The following POTEE variants were observed in gnomAD, a reference collection of about 807,000 sequenced individuals.
POTEE encodes the protein ANKRD26-like family C member 1A.
A neutral mutation model predicts 74.2 loss-of-function variants in POTEE; 21 were observed. The observed-to-expected ratio is 0.28, with a 90% confidence interval of 0.20 to 0.41. The LOEUF is 0.41. Ranked by LOEUF, POTEE falls within the 10% of genes least tolerant of loss-of-function variation. The pLI, the probability that POTEE is intolerant of heterozygous loss-of-function variation, is 1.00. For synonymous variants in POTEE, 211 were observed against 432.8 expected (o/e 0.49, Z 6.36); for missense variants, 525 against 1,158.6 (o/e 0.45, Z 7.94).
intron 4 of POTEE, among the ~76,000 whole-genome samples, chr2:131,222,282 A>G (rs537152670): frequency 6.6e-6 from 1 of 152,374 alleles, no homozygotes; most frequent in South Asian, 2.1e-4. Context: ...GTTGAAAGCC[A>G]TTATCCTTAG....
rs1701465818 is a variant in POTEE, at chr2:131,252,365, ATTATTAT to A, written c.1552-155_1552-149del. Among the ~76,000 whole-genome samples the A allele has an allele frequency of 1.8e-4, 2 of 11,268 alleles. 1 individual carries two copies. The highest frequency in any genetic ancestry group is 5.0e-4 in the African/African-American group (2 of 4,000). 7.4% of individuals were successfully genotyped at this position (11,268 alleles called of 152,430 possible). A position where few individuals can be genotyped will look rare whatever the true frequency, so the allele number is the denominator to read the frequency against. Reference sequence around the variant, plus strand: ...ATTAAAAAGTTAATTCTTAATTTTAATTATTATTTATTTTAACAGTTTAATTTTAATT... The same window carrying A: ...ATTAAAAAGTTAATTCTTAATTTTAATTATTTTAACAGTTTAATTTTAATT... On this transcript the variant is annotated intron_variant, in intron 14 of 17. Transcript: ENST00000683005.
At chr2:131,218,015 GCTTGGATTGACGTTTCCT>G in intron 3 of POTEE, 3 of 285,524 alleles carry the variant, frequency 1.1e-5, no homozygotes, top group African/African-American at 8.8e-5. Context: ...GGCGTTGGTA[GCTTGGATTGACGTTTCCT>G]GCTTGGATTG....
intron 2 of POTEE, among the ~76,000 whole-genome samples, chr2:131,216,072 T>C (rs1246959020): frequency 1.3e-5 from 2 of 152,032 alleles, no homozygotes; most frequent in Non-Finnish European, 2.9e-5. Context: ...ATAAGGTAAT[T>C]CCATTTATAA....
At chr2:131,210,598 G>C (rs1431554498) in intron 1 of POTEE, among the ~76,000 whole-genome samples, 1 of 151,956 alleles carries the variant, frequency 6.6e-6, no homozygotes, top group Non-Finnish European at 1.5e-5. Flanking sequence ...CACCCACTGC[G>C]GTTCTCCGGC....
At chr2:131,221,384 G>A (rs1332455355) in intron 4 of POTEE, among the ~76,000 whole-genome samples, 1 of 152,198 alleles carries the variant, frequency 6.6e-6, no homozygotes, top group Non-Finnish European at 1.5e-5. Flanking sequence ...TACACGAACA[G>A]AATCTGCTCG....
chr2:131,211,248 C>T (rs1700349271), intron 2 of POTEE, among the ~76,000 whole-genome samples, 65 bp downstream of exon 2: 1 of 151,754 alleles, frequency 6.6e-6, no homozygotes, highest in African/African-American at 2.4e-5. Flanking sequence ...GCATTGACGG[C>T]GACAGCAACT....
At chr2:131,222,944 A>G (rs1406629117) in intron 4 of POTEE, among the ~76,000 whole-genome samples, 6 of 151,948 alleles carry the variant, frequency 3.9e-5, no homozygotes, top group Non-Finnish European at 8.8e-5. Context: ...GTGATGCCCC[A>G]TTATTTTATG....
chr2:131,209,852 G>A (rs1310846683), intron 1 of POTEE, among the ~76,000 whole-genome samples, 33 bp downstream of exon 1: 2 of 151,798 alleles, frequency 1.3e-5, no homozygotes, highest in Non-Finnish European at 2.9e-5. Flanking sequence ...GCCCGCCTGT[G>A]GGGGCAGGGG....
chr2:131,236,315 C>T (rs916824901), intron 9 of POTEE, among the ~76,000 whole-genome samples: 1 of 152,056 alleles, frequency 6.6e-6, no homozygotes, highest in Non-Finnish European at 1.5e-5. Context: ...AGGGTCACCA[C>T]GACCTTTCCT....
intron 4 of POTEE, among the ~76,000 whole-genome samples, chr2:131,220,564 A>G (rs545060301): frequency 6.6e-6 from 1 of 152,200 alleles, no homozygotes; most frequent in East Asian, 1.9e-4. Flanking sequence ...CTTTTTTTGC[A>G]TATCTACCAG....
intron 16 of POTEE, among the ~76,000 whole-genome samples, chr2:131,255,565 GTTTTTTT>G (rs752323540): frequency 3.7e-4 from 5 of 13,600 alleles, no homozygotes; most frequent in African/African-American, 1.1e-3. Context: ...CTTTCTCATA[GTTTTTTT>G]TTTTTTTTTT....
At position 131,263,789 on chromosome 2, in the gene POTEE, C is replaced by T. The variant is rs1490006752; in HGVS notation, c.2334C>T (p.Asn778=). Residue 778 remains asparagine (N), a synonymous_variant, in exon 18 of 18, where the codon AAC becomes AAT. Coordinates refer to ENST00000683005, the MANE Select transcript of POTEE (RefSeq NM_001083538.3). The part of the protein sequence containing the change: ...KYPMEHGIIT[N]WDDMEKIWHH... The stretch of plus-strand genomic sequence containing the variant: ...CCATGGAACACGGCATCATCACCAA[C>T]TGGGATGACATGGAGAAGATCTGGC... 9 of 1,613,602 alleles carry T rather than the reference C, an allele frequency of 5.6e-6. No homozygotes were observed. The highest frequency in any genetic ancestry group is 6.8e-6 in the Non-Finnish European group (8 of 1,180,008).
At chr2:131,211,245 C>T (rs79511033) in intron 2 of POTEE, among the ~76,000 whole-genome samples, 62 bp downstream of exon 2, 26 of 150,970 alleles carry the variant, frequency 1.7e-4, no homozygotes, top group Admixed American at 5.9e-4. Flanking sequence ...GCTGCATTGA[C>T]GGCGACAGCA....
chr2:131,219,539 C>T (rs1240627489), intron 4 of POTEE, among the ~76,000 whole-genome samples: 1 of 152,046 alleles, frequency 6.6e-6, no homozygotes, highest in Non-Finnish European at 1.5e-5. Flanking sequence ...TCGAGACCAT[C>T]CTGGCTAACA....
intron 2 of POTEE, among the ~76,000 whole-genome samples, chr2:131,211,615 C>T (rs62177511): frequency 0.033 from 3,928 of 119,142 alleles, 66 homozygotes; most frequent in Middle Eastern, 0.054. Flanking sequence ...TGCAGTGGTG[C>T]GATCTCGGCT....
chr2:131,215,296 C>G (rs576130194), intron 2 of POTEE, among the ~76,000 whole-genome samples: 35 of 152,068 alleles, frequency 2.3e-4, no homozygotes, highest in African/African-American at 7.7e-4. Flanking sequence ...TAAATAGTAT[C>G]AATTGCATAT....
At position 131,265,060 on chromosome 2, in the gene POTEE, T is replaced by G; in HGVS notation, c.*377T>G. On this transcript the variant is annotated 3_prime_UTR_variant, in exon 18 of 18. Transcript: ENST00000683005. ...ACAGGGGAGGTGATAGCATTGCTTT[T>G]GTGCAAATTACATAATGCAAAATTT... is the stretch of plus-strand genomic sequence containing the variant. 3.3e-6 allele frequency: 1 copy of G among 301,234 alleles called. No individual in the cohort carries two copies. Among genetic ancestry groups the G allele is most frequent in the South Asian group, 4.6e-5 (1 of 21,862 alleles). The allele number at this position is 301,234 out of a possible 1,614,324, so 18.7% of individuals were successfully genotyped here. A position where few individuals can be genotyped will look rare whatever the true frequency, so the allele number is the denominator to read the frequency against.
chr2:131,219,484 T>C (rs1305585002), intron 4 of POTEE, among the ~76,000 whole-genome samples: 1 of 152,112 alleles, frequency 6.6e-6, no homozygotes, highest in East Asian at 1.9e-4. Flanking sequence ...CTCACGCCTG[T>C]AATCCCAGCA....
chr2:131,211,430 C>A (rs1301556192), intron 2 of POTEE, among the ~76,000 whole-genome samples: 1 of 144,928 alleles, frequency 6.9e-6, no homozygotes, highest in Non-Finnish European at 1.5e-5. Context: ...GAGTCCTCCC[C>A]CTTCTCTTGC....
Sources: allele counts gnomAD v4.1 joint callset (sites outside exome capture counted in the v4.1 genomes callset), GRCh38; gene constraint gnomAD v4.1.1; transcripts MANE v1.5; gene names NCBI Gene and HGNC (gene_info 2026-07-23, HGNC 2026-07-21).